Variants in MYL11 observed in about 807,000 individuals in gnomAD.
MYL11 encodes myosin regulatory light chain 11.
the MYL11 span, chr16:30,376,687 CAAG>C: frequency 6.2e-7 from 1 of 1,613,910 alleles, no homozygotes. Flanking sequence ...AGGGCACCAT[CAAG>C]AAGAAGTTGT....
At chr16:30,371,448 AC>A in the MYL11 span, among the ~76,000 whole-genome samples, 2 of 151,554 alleles carry the variant, frequency 1.3e-5, no homozygotes, top group African/African-American at 4.9e-5. Context: ...CCCCCAACTA[AC>A]CCCAACACTC....
chr16:30,372,020 C>T, the MYL11 span, among the ~76,000 whole-genome samples: 1 of 152,164 alleles, frequency 6.6e-6, no homozygotes. Context: ...TCTAAGGTCC[C>T]TCACTCCCAA....
chr16:30,374,840 C>T, the MYL11 span: 1 of 1,613,466 alleles, frequency 6.2e-7, no homozygotes. Context: ...GCTGCCTTGC[C>T]CCCCGGAGAC....
At chr16:30,374,842 C>T in the MYL11 span, 1 of 1,613,500 alleles carries the variant, frequency 6.2e-7, no homozygotes, top group South Asian at 1.1e-5. Flanking sequence ...TGCCTTGCCC[C>T]CCGGAGACTG....
the MYL11 span, chr16:30,376,487 C>A: frequency 6.2e-7 from 1 of 1,614,162 alleles, no homozygotes; most frequent in Non-Finnish European, 8.5e-7. Flanking sequence ...GTCCCATCAA[C>A]TTCACCGTCT....
the MYL11 span, chr16:30,372,470 C>T: frequency 2.0e-5 from 3 of 152,138 alleles, no homozygotes; most frequent in Non-Finnish European, 2.9e-5. Context: ...TCCTTGCCAA[C>T]TTGGGGCTTC....
At chr16:30,370,969 G>C in the MYL11 span, 1 of 152,306 alleles carries the variant, frequency 6.6e-6, no homozygotes, top group South Asian at 2.0e-4. Context: ...GCAGTCAATA[G>C]GAAGAGCTGA....
chr16:30,376,512 G>A, the MYL11 span: 2 of 1,614,036 alleles, frequency 1.2e-6, no homozygotes, highest in Non-Finnish European at 1.7e-6. Flanking sequence ...GACCATGTTC[G>A]GGGAGAAGCT....
the MYL11 span, chr16:30,377,696 G>C: frequency 6.4e-7 from 1 of 1,566,224 alleles, no homozygotes; most frequent in South Asian, 1.1e-5. Flanking sequence ...GCTTCTCCCA[G>C]GAGGAGGTGA....
At chr16:30,375,795 C>T in the MYL11 span, 12 of 1,603,250 alleles carry the variant, frequency 7.5e-6, no homozygotes, top group Non-Finnish European at 1.0e-5. Context: ...TCCATGGGCC[C>T]CTTTGTTCAA....
the MYL11 span, chr16:30,375,726 C>G: frequency 9.6e-7 from 1 of 1,045,752 alleles, no homozygotes; most frequent in Non-Finnish European, 1.4e-6. Context: ...GCTTTAGGAA[C>G]AGGGACTCGA....
chr16:30,375,768 A>G, the MYL11 span: 2 of 1,462,628 alleles, frequency 1.4e-6, no homozygotes, highest in East Asian at 2.3e-5. Flanking sequence ...TTGCCCCCAG[A>G]GAGGTGGAGG....
chr16:30,376,844 A>G, the MYL11 span: 1 of 781,506 alleles, frequency 1.3e-6, no homozygotes, highest in South Asian at 1.6e-5. Context: ...AGGCAGGAGG[A>G]TTTACTTGAG....
At chr16:30,374,731 TAAG>T in the MYL11 span, 8 of 1,283,970 alleles carry the variant, frequency 6.2e-6, no homozygotes, top group East Asian at 5.4e-5. Context: ...CCCGCAGGGC[TAAG>T]GTTACCTTGG....
At chr16:30,377,900 G>A in the MYL11 span, 12 of 1,602,458 alleles carry the variant, frequency 7.5e-6, no homozygotes, top group South Asian at 8.8e-5. Context: ...ACCAGGAGTA[G>A]GGGCACCCGC....
At chr16:30,375,831 G>T in the MYL11 span, 51 of 1,613,910 alleles carry the variant, frequency 3.2e-5, no homozygotes, top group Non-Finnish European at 4.2e-5. Flanking sequence ...CACCCAAGAG[G>T]GCCAAGAGAA....
chr16:30,372,601 A>C, the MYL11 span, among the ~76,000 whole-genome samples: 1 of 151,860 alleles, frequency 6.6e-6, no homozygotes. Flanking sequence ...TGGCCAGAAT[A>C]AAGTGAGCTG....
chr16:30,377,805 A>C, the MYL11 span: 3 of 1,613,992 alleles, frequency 1.9e-6, no homozygotes, highest in African/African-American at 2.7e-5. Flanking sequence ...GATCAAGAAC[A>C]TGTGGGCGGC....
chr16:30,374,327 A>C, the MYL11 span, among the ~76,000 whole-genome samples: 3 of 147,410 alleles, frequency 2.0e-5, no homozygotes, highest in Non-Finnish European at 3.0e-5. Context: ...AAAAAAAAAA[A>C]GGGAGACAGG....
Sources: allele counts gnomAD v4.1 joint callset (sites outside exome capture counted in the v4.1 genomes callset), GRCh38; gene constraint gnomAD v4.1.1; transcripts MANE v1.5; gene names NCBI Gene and HGNC (gene_info 2026-07-23, HGNC 2026-07-21).